Variants in ANKS1B observed in about 807,000 individuals in gnomAD.
ANKS1B encodes ankyrin repeat and sterile alpha motif domain-containing protein 1B.
In ANKS1B, 36 loss-of-function variants were observed where a neutral mutation model predicts 148.3. The ratio of observed to expected loss-of-function variants is 0.24; its 90% CI spans 0.19 to 0.32. The LOEUF (loss-of-function observed/expected upper bound fraction) is 0.32, where lower values mean the gene tolerates loss of function less well. ANKS1B is among the 10% of genes least tolerant of loss of function. The probability of loss-of-function intolerance (pLI) is 1.00; values close to 1 mark genes in which losing one functional copy is unlikely to be tolerated. For synonymous variants in ANKS1B, 542 were observed against 560.8 expected (o/e 0.97, Z 0.47); for missense variants, 1,157 against 1,542.6 (o/e 0.75, Z 4.19).
At chr12:99,158,022 T>C (rs1444782230) in intron 14 of ANKS1B, among the ~76,000 whole-genome samples, 3 of 151,912 alleles carry the variant, frequency 2.0e-5, no homozygotes, top group African/African-American at 4.8e-5. Flanking sequence ...TGTTATAATA[T>C]ATGGAGGAAG....
At chr12:99,496,446 C>T (rs180889195) in intron 10 of ANKS1B, among the ~76,000 whole-genome samples, 215 of 152,222 alleles carry the variant, frequency 1.4e-3, no homozygotes, top group African/African-American at 4.7e-3. Flanking sequence ...TAGCTTGATG[C>T]TATAAAGGAA....
chr12:99,326,475 G>A (rs111670589), intron 12 of ANKS1B, among the ~76,000 whole-genome samples: 6 of 149,142 alleles, frequency 4.0e-5, no homozygotes, highest in African/African-American at 7.7e-5. Flanking sequence ...TTAGGCATCC[G>A]CCTTACCATT....
chr12:99,823,907 G>A (rs1170025376), intron 2 of ANKS1B, among the ~76,000 whole-genome samples: 1 of 152,088 alleles, frequency 6.6e-6, no homozygotes, highest in African/African-American at 2.4e-5. Flanking sequence ...ATAGGTGTAT[G>A]GCTTTATTTC....
At chr12:99,298,574 C>G (rs1315835831) in intron 12 of ANKS1B, among the ~76,000 whole-genome samples, 2 of 152,152 alleles carry the variant, frequency 1.3e-5, no homozygotes, top group Non-Finnish European at 2.9e-5. Context: ...CAGACTAATA[C>G]AACCAGGAAC....
At chr12:98,955,426 G>A (rs1046588694) in intron 17 of ANKS1B, among the ~76,000 whole-genome samples, 4 of 152,192 alleles carry the variant, frequency 2.6e-5, no homozygotes, top group Admixed American at 1.3e-4. Context: ...TGACAGGAGA[G>A]ATGAGGTCAG....
chr12:99,936,528 TG>T (rs1283562031), intron 1 of ANKS1B, among the ~76,000 whole-genome samples: 2 of 152,170 alleles, frequency 1.3e-5, no homozygotes, highest in African/African-American at 2.4e-5. Context: ...CTCCCATATT[TG>T]GTAACTGTCT....
chr12:99,132,250 C>A (rs1016391064), intron 15 of ANKS1B, among the ~76,000 whole-genome samples: 1 of 152,040 alleles, frequency 6.6e-6, no homozygotes, highest in Non-Finnish European at 1.5e-5. Flanking sequence ...AAGAAAGGAC[C>A]ACGAGGCTCG....
chr12:99,921,243 G>C (rs1452440557), intron 1 of ANKS1B, among the ~76,000 whole-genome samples: 2 of 152,090 alleles, frequency 1.3e-5, no homozygotes, highest in East Asian at 3.9e-4. Context: ...TCTCATGATA[G>C]TGAGTGAGTT....
chr12:99,554,479 C>A (rs139883722), intron 9 of ANKS1B, among the ~76,000 whole-genome samples: 8 of 152,234 alleles, frequency 5.3e-5, no homozygotes, highest in African/African-American at 1.7e-4. Flanking sequence ...GAGTCATTAG[C>A]TAAATCATCC....
At chr12:99,273,494 G>A (rs1308494356) in intron 12 of ANKS1B, among the ~76,000 whole-genome samples, 5 of 151,722 alleles carry the variant, frequency 3.3e-5, no homozygotes, top group East Asian at 3.9e-4. Flanking sequence ...ACGGCCCATG[G>A]GCTGCATGCT....
chr12:99,714,395 T>C (rs900287976), intron 8 of ANKS1B, among the ~76,000 whole-genome samples: 64 of 152,330 alleles, frequency 4.2e-4, no homozygotes, highest in African/African-American at 1.5e-3. Context: ...TTTATTGCTC[T>C]TTGCACATAT....
At chr12:98,742,623 G>GTTAT (rs747878138), downstream of ANKS1B, among the ~76,000 whole-genome samples, 1 of 152,238 alleles carries the variant, frequency 6.6e-6, no homozygotes, top group African/African-American at 2.4e-5. Flanking sequence ...AGGTCTCAGG[G>GTTAT]TTATTTCGAC....
At chr12:99,015,322 G>A (rs1442439635) in intron 17 of ANKS1B, among the ~76,000 whole-genome samples, 3 of 152,212 alleles carry the variant, frequency 2.0e-5, no homozygotes, top group East Asian at 1.9e-4. Context: ...GGAACTGAAC[G>A]ATGAGAACAC....
intron 9 of ANKS1B, among the ~76,000 whole-genome samples, chr12:99,607,328 T>C (rs1399168930): frequency 1.3e-5 from 2 of 151,508 alleles, no homozygotes; most frequent in Admixed American, 6.6e-5. Context: ...CAGGCAAGTA[T>C]CAAAAATATC....
intron 15 of ANKS1B, among the ~76,000 whole-genome samples, chr12:99,107,113 A>T (rs1289747616): frequency 6.6e-6 from 1 of 151,864 alleles, no homozygotes; most frequent in Non-Finnish European, 1.5e-5. Context: ...GTGAAAATAT[A>T]TAAATTAATA....
intron 10 of ANKS1B, among the ~76,000 whole-genome samples, chr12:99,468,368 C>A (rs551318186): frequency 6.6e-6 from 1 of 152,308 alleles, no homozygotes; most frequent in Non-Finnish European, 1.5e-5. Flanking sequence ...CCATTCAGGA[C>A]ATAGGCATGG....
intron 17 of ANKS1B, among the ~76,000 whole-genome samples, chr12:99,007,118 A>G (rs563109117): frequency 6.6e-5 from 10 of 152,360 alleles, no homozygotes; most frequent in African/African-American, 2.4e-4. Flanking sequence ...TGTTCTCCAG[A>G]TAAGTCCCAT....
At chr12:98,938,863 A>C (rs759104728) in intron 17 of ANKS1B, among the ~76,000 whole-genome samples, 2 of 152,224 alleles carry the variant, frequency 1.3e-5, no homozygotes, top group African/African-American at 2.4e-5. Flanking sequence ...GCAACGTGAA[A>C]ATGTGCTTAC....
chr12:98,938,737 A>C (rs1336568268), intron 17 of ANKS1B, among the ~76,000 whole-genome samples: 1 of 152,252 alleles, frequency 6.6e-6, no homozygotes, highest in African/African-American at 2.4e-5. Flanking sequence ...GCATGGGCTA[A>C]GAATAGATCA....
Sources: gnomAD v4.1 joint callset for allele counts (sites outside exome capture counted in the v4.1 genomes callset) on GRCh38, gnomAD v4.1.1 for gene constraint, MANE v1.5 for transcripts, NCBI Gene and HGNC (gene_info 2026-07-23, HGNC 2026-07-21) for gene names.